The following TERF1 variants were observed in gnomAD, a reference collection of about 807,000 sequenced individuals.
The protein encoded by TERF1 is telomeric repeat binding factor 1.
TERF1 carries 20 observed loss-of-function variants against 55.1 expected under a neutral mutation model. That is an observed-to-expected ratio of 0.36 (90% CI 0.26 to 0.53). TERF1 has a LOEUF of 0.53. Among genes scored for constraint, TERF1 ranks in the 20% least tolerant of loss-of-function variants. The pLI is 0.91. For missense variants in TERF1, 439 were observed against 535.7 expected, an observed-to-expected ratio of 0.82 and a Z score of 1.78; for synonymous variants, 168 against 181.2, an observed-to-expected ratio of 0.93 and a Z score of 0.59.
chr8:73,014,325 A>G (rs1808404721), intron 2 of TERF1, among the ~76,000 whole-genome samples: 2 of 151,866 alleles, frequency 1.3e-5, no homozygotes, highest in South Asian at 4.2e-4. Context: ...GCTCTGAAAT[A>G]TACATTTCTA....
chr8:73,032,896 TTTAGGGTACA>T lies in TERF1; in HGVS notation c.1039+765_1039+774del, dbSNP rs1190534293. Among the ~76,000 whole-genome samples the T allele has an allele frequency of 5.3e-5, 8 of 152,110 alleles. No homozygotes were observed. The East Asian group carries it at 7.7e-4, about 15-fold the overall frequency. ...GATTTTTTTTTTTTATACTTTAAGTTTTAGGGTACATGTTCACAACGTGCAGGTTTGTTAC... is the reference window on the plus strand; with the variant it reads ...GATTTTTTTTTTTTATACTTTAAGTTTGTTCACAACGTGCAGGTTTGTTAC... On this transcript the variant is annotated intron_variant, in intron 8 of 9. Transcript: ENST00000276603.
Position 73,020,387 on chromosome 8 carries a change from T to C in TERF1, c.416-297T>C, listed in dbSNP as rs528458138. ...TAATGCATTAGACTTAGGAACCACT[T>C]AAGAATTCTGTTGCTATGACATGTT... On this transcript the variant is annotated intron_variant, in intron 2 of 9. Transcript: ENST00000276603. Among the ~76,000 whole-genome samples the C allele has an allele frequency of 6.0e-4, 91 of 152,312 alleles. No homozygotes were observed. The South Asian group carries it at 0.016, about 26-fold the overall frequency.
chr8:73,020,423 G>A (rs894013606), intron 2 of TERF1, among the ~76,000 whole-genome samples: 1 of 152,098 alleles, frequency 6.6e-6, no homozygotes, highest in Admixed American at 6.6e-5. Context: ...ATGTAAAATA[G>A]TTTACTTTCG....
intron 7 of TERF1, chr8:73,031,791 T>G (rs1809297863): frequency 3.5e-6 from 1 of 288,772 alleles, no homozygotes; most frequent in African/African-American, 2.2e-5. Context: ...TTTTTTTGCC[T>G]GCTTCTTCTG....
intron 7 of TERF1, chr8:73,031,591 T>TA (rs1809288350): frequency 6.6e-6 from 1 of 152,368 alleles, no homozygotes; most frequent in African/African-American, 2.4e-5. Context: ...CAAACAGCCT[T>TA]ACCTTTCAAA....
intron 2 of TERF1, among the ~76,000 whole-genome samples, chr8:73,018,537 G>A (rs536976624): frequency 3.3e-5 from 5 of 152,084 alleles, no homozygotes; most frequent in Non-Finnish European, 4.4e-5. Flanking sequence ...TTAGCCTGGC[G>A]TGGTGGTGGG....
intron 5 of TERF1, among the ~76,000 whole-genome samples, chr8:73,025,744 G>A (rs1808955488): frequency 9.0e-6 from 1 of 111,612 alleles, no homozygotes; most frequent in Non-Finnish European, 1.7e-5. Flanking sequence ...GCGACAGTGA[G>A]ACTCTGTCTC....
intron 2 of TERF1, among the ~76,000 whole-genome samples, chr8:73,014,780 T>C (rs2975840): frequency 0.74 from 112,988 of 152,178 alleles, 43,703 homozygotes; most frequent in African/African-American, 0.94. Context: ...TGTCAAGGCC[T>C]TCACTAAAGT....
chr8:73,010,955 C>T (rs931639935), intron 1 of TERF1: 8 of 152,108 alleles, frequency 5.3e-5, no homozygotes, highest in African/African-American at 1.9e-4. Context: ...ATCTTTTTTC[C>T]AAGCAGTAGA....
chr8:73,039,175 A>G lies in TERF1; in HGVS notation c.1099A>G (p.Ser367Gly). 6.2e-7 allele frequency: 1 copy of G among 1,606,630 alleles called. No individual in the cohort carries two copies. Among genetic ancestry groups the G allele is most frequent in the Non-Finnish European group, 8.5e-7 (1 of 1,177,010 alleles). Residue 367 changes from serine to glycine, a missense_variant, in exon 9 of 10, where the codon AGT (serine) becomes GGT (glycine). Transcript: ENST00000276603. ...ATESRIPVSKSQPVTPEKHRA... is the reference protein window; with the variant it reads ...ATESRIPVSKGQPVTPEKHRA... ...TGAAAGCAGAATACCTGTTTCAAAG[A>G]GTCAGCCGGTAACTCCTGAAAAACA... is the stretch of plus-strand genomic sequence containing the variant.
chr8:73,020,629 T>C (rs995619331), intron 2 of TERF1, 55 bp from the exon 3 acceptor site: 1 of 1,510,524 alleles, frequency 6.6e-7, no homozygotes, highest in South Asian at 1.3e-5. Flanking sequence ...TATTAAAAAC[T>C]GACAAAGTTC....
intron 2 of TERF1, among the ~76,000 whole-genome samples, chr8:73,015,665 G>A (rs769808293): frequency 2.0e-5 from 3 of 149,394 alleles, no homozygotes; most frequent in East Asian, 1.9e-4. Context: ...GTGAAACCCC[G>A]TCTCTACTAA....
intron 1 of TERF1, chr8:73,009,410 C>T (rs560386013): frequency 3.1e-5 from 18 of 576,636 alleles, no homozygotes; most frequent in Admixed American, 1.3e-4. Context: ...TTGATTTCCT[C>T]TTCGATAAAA....
rs73687066 is a variant in TERF1 at position 73,038,718 on chromosome 8, G to C, written c.1040-398G>C. 1.2e-3 allele frequency: 1,099 copies of C among 947,392 alleles called. 8 individuals are homozygous for C. In the African/African-American group the frequency reaches 0.018, roughly 16 times the overall value. 58.7% of individuals were successfully genotyped at this position (947,392 alleles called of 1,614,324 possible). On this transcript the variant is annotated intron_variant, in intron 8 of 9. Transcript: ENST00000276603. ...TGTTTCTTTTCAGTTACATATATTT[G>C]TCTTACCAAACTGACTATGAATAAG...
chr8:73,042,259 T>A (rs149197598), intron 9 of TERF1, among the ~76,000 whole-genome samples: 127 of 152,298 alleles, frequency 8.3e-4, no homozygotes, highest in African/African-American at 3.0e-3. Context: ...AAACAGTTGT[T>A]TCTCTTCTAT....
Position 73,047,700 on chromosome 8 carries a change from T to C in TERF1, c.*1563T>C, listed in dbSNP as rs1408405042. 6.6e-6 allele frequency: 1 copy of C among 152,242 alleles called. No individual in the cohort carries two copies. Among genetic ancestry groups the C allele is most frequent in the Non-Finnish European group, 1.5e-5 (1 of 68,048 alleles). 9.4% of individuals were successfully genotyped at this position (152,242 alleles called of 1,614,324 possible). ...GTTTCATATATTACTTTCCCATTGT[T>C]CCTGAATTTGTTATCCTATATATAA... On this transcript the variant is annotated 3_prime_UTR_variant, in exon 10 of 10. Coordinates refer to ENST00000276603, the MANE Select transcript of TERF1 (RefSeq NM_017489.3).
chr8:73,043,720 T>C (rs904311577), intron 9 of TERF1, among the ~76,000 whole-genome samples: 11 of 152,098 alleles, frequency 7.2e-5, no homozygotes, highest in Admixed American at 7.2e-4. Flanking sequence ...CAGAAAACAT[T>C]GGTCATTTCT....
At chr8:73,015,034 A>T (rs1808439502) in intron 2 of TERF1, among the ~76,000 whole-genome samples, 1 of 152,230 alleles carries the variant, frequency 6.6e-6, no homozygotes, top group Admixed American at 6.5e-5. Context: ...AAAGTATTCT[A>T]AAGTGCCTGG....
chr8:73,013,154 T>C (rs1677146006), intron 1 of TERF1, among the ~76,000 whole-genome samples: 2 of 152,196 alleles, frequency 1.3e-5, no homozygotes, highest in Non-Finnish European at 2.9e-5. Flanking sequence ...TTTTTATATA[T>C]ACACCAACCA....
Sources: allele counts gnomAD v4.1 joint callset (sites outside exome capture counted in the v4.1 genomes callset), GRCh38; gene constraint gnomAD v4.1.1; transcripts MANE v1.5; gene names NCBI Gene and HGNC (gene_info 2026-07-23, HGNC 2026-07-21).